Variants in ARL3 observed in about 807,000 individuals in gnomAD.
The protein encoded by ARL3 is ARF like GTPase 3.
In ARL3, 9 loss-of-function variants were observed where a neutral mutation model predicts 26.0. The ratio of observed to expected loss-of-function variants is 0.35; its 90% confidence interval spans 0.21 to 0.60. The LOEUF (loss-of-function observed/expected upper bound fraction) is 0.60. Ranked by LOEUF, ARL3 falls within the 20% of genes least tolerant of loss-of-function variation. ARL3 has a pLI of 0.78. For synonymous variants in ARL3, 71 were observed against 78.4 expected (o/e 0.91, Z 0.50); for missense variants, 158 against 215.7 (o/e 0.73, Z 1.67).
At chr10:102,679,296 C>T (rs1295773090) in intron 5 of ARL3, among the ~76,000 whole-genome samples, 1 of 152,164 alleles carries the variant, frequency 6.6e-6, no homozygotes, top group Non-Finnish European at 1.5e-5. Flanking sequence ...AATGGTGGTG[C>T]CCAAGCTCCC....
intron 1 of ARL3, among the ~76,000 whole-genome samples, chr10:102,710,044 A>T (rs1200319889): frequency 1.3e-5 from 2 of 152,190 alleles, no homozygotes; most frequent in African/African-American, 4.8e-5. Flanking sequence ...AAAAAAAAAA[A>T]ATTCTAACTA....
chr10:102,683,439 T>C (rs939709818), intron 5 of ARL3, among the ~76,000 whole-genome samples: 2 of 152,244 alleles, frequency 1.3e-5, no homozygotes, highest in African/African-American at 2.4e-5. Context: ...CTATACACCA[T>C]GGTACTATCT....
At chr10:102,704,969 C>T (rs972196033) in intron 2 of ARL3, among the ~76,000 whole-genome samples, 2 of 152,126 alleles carry the variant, frequency 1.3e-5, no homozygotes, top group Non-Finnish European at 1.5e-5. Context: ...TAACATAAAA[C>T]GTACCATTTC....
At chr10:102,677,528 G>A (rs1379769100) in intron 5 of ARL3, among the ~76,000 whole-genome samples, 1 of 152,216 alleles carries the variant, frequency 6.6e-6, no homozygotes, top group East Asian at 1.9e-4. Flanking sequence ...TTAAGCACCA[G>A]CATCCAGAGG....
chr10:102,697,900 TA>T (rs978773073), intron 3 of ARL3, among the ~76,000 whole-genome samples: 2 of 152,122 alleles, frequency 1.3e-5, no homozygotes, highest in African/African-American at 4.8e-5. Context: ...ACCCTACTTT[TA>T]GCAATGTGGA....
chr10:102,680,044 T>G (rs1291301186), intron 5 of ARL3, among the ~76,000 whole-genome samples: 12 of 152,006 alleles, frequency 7.9e-5, no homozygotes, highest in Admixed American at 7.9e-4. Flanking sequence ...CTCCGCCTCA[T>G]GCCATTCTCC....
intron 5 of ARL3, 63 bp downstream of exon 5, chr10:102,685,753 T>C: frequency 1.3e-6 from 2 of 1,498,396 alleles, no homozygotes; most frequent in Non-Finnish European, 1.8e-6. Flanking sequence ...GCCCAACCAA[T>C]GAGACAGACC....
At chr10:102,711,850 T>C (rs2064343091) in intron 1 of ARL3, among the ~76,000 whole-genome samples, 1 of 152,140 alleles carries the variant, frequency 6.6e-6, no homozygotes, top group South Asian at 2.1e-4. Flanking sequence ...ATGTAAAGCA[T>C]GACACATAAC....
intron 2 of ARL3, among the ~76,000 whole-genome samples, chr10:102,701,594 T>C (rs2064279725): frequency 6.6e-6 from 1 of 152,228 alleles, no homozygotes; most frequent in Non-Finnish European, 1.5e-5. Flanking sequence ...TTAGTGTATT[T>C]AAAAATTCCA....
At chr10:102,682,847 G>A (rs1446026972) in intron 5 of ARL3, among the ~76,000 whole-genome samples, 3 of 152,020 alleles carry the variant, frequency 2.0e-5, no homozygotes, top group African/African-American at 7.3e-5. Flanking sequence ...AGAATCAGAT[G>A]TCACCTGACT....
intron 4 of ARL3, among the ~76,000 whole-genome samples, 157 bp from the exon 5 acceptor site, chr10:102,686,158 G>A (rs536080152): frequency 1.4e-5 from 2 of 144,090 alleles, no homozygotes; most frequent in Admixed American, 7.2e-5. Context: ...TGCAACCTTC[G>A]CTTCCCAGGT....
intron 3 of ARL3, among the ~76,000 whole-genome samples, chr10:102,691,243 G>C (rs984059363): frequency 6.6e-6 from 1 of 151,136 alleles, no homozygotes; most frequent in South Asian, 2.1e-4. Context: ...TCTAGCATTA[G>C]GTATATCTCC....
At chr10:102,711,307 T>G (rs1401579015) in intron 1 of ARL3, among the ~76,000 whole-genome samples, 1 of 144,600 alleles carries the variant, frequency 6.9e-6, no homozygotes, top group Non-Finnish European at 1.5e-5. Context: ...AGACTTGTAT[T>G]CAGCTTCTGT....
intron 3 of ARL3, among the ~76,000 whole-genome samples, chr10:102,699,027 C>G (rs1044239900): frequency 6.6e-6 from 1 of 152,190 alleles, no homozygotes; most frequent in Admixed American, 6.5e-5. Flanking sequence ...TTTGCTTGCT[C>G]TCTTTGCAAT....
intron 3 of ARL3, among the ~76,000 whole-genome samples, chr10:102,697,122 G>A (rs952914075): frequency 4.6e-5 from 7 of 151,964 alleles, no homozygotes; most frequent in Middle Eastern, 6.8e-3. Context: ...ACATATAAAA[G>A]GTAATGTGTT....
rs369381165 is a variant in ARL3, at chr10:102,684,307, C to T, written c.501+1509G>A. Among the ~76,000 whole-genome samples, 7 of 152,004 alleles carry T rather than the reference C, an allele frequency of 4.6e-5. No individual in the cohort carries two copies. In the East Asian group the frequency reaches 7.8e-4, roughly 17 times the overall value. On this transcript the variant is annotated intron_variant, in intron 5 of 5. Transcript: ENST00000260746. ...GGGACTACAGGTGCCCGCCACCACACCCGGCTAATTTTTTTGTATTTTTAG... is the reference window on the plus strand; with the variant it reads ...GGGACTACAGGTGCCCGCCACCACATCCGGCTAATTTTTTTGTATTTTTAG...
intron 3 of ARL3, among the ~76,000 whole-genome samples, chr10:102,694,165 ATTTT>A (rs1369988232): frequency 6.8e-6 from 1 of 146,556 alleles, no homozygotes; most frequent in Non-Finnish European, 1.5e-5. Flanking sequence ...TTTTTTTTGT[ATTTT>A]TTGTAGAGAT....
chr10:102,684,344 C>A (rs931214114), intron 5 of ARL3, among the ~76,000 whole-genome samples: 3 of 151,960 alleles, frequency 2.0e-5, no homozygotes, highest in Admixed American at 2.0e-4. Flanking sequence ...AGAGACGGGG[C>A]TTCACTGTGT....
chr10:102,707,353 T>C (rs923565692), intron 1 of ARL3, among the ~76,000 whole-genome samples: 3 of 151,742 alleles, frequency 2.0e-5, no homozygotes, highest in Non-Finnish European at 4.4e-5. Flanking sequence ...AAATAAACCA[T>C]GTTGATTTTT....
Sources: allele counts gnomAD v4.1 joint callset (sites outside exome capture counted in the v4.1 genomes callset), GRCh38; gene constraint gnomAD v4.1.1; transcripts MANE v1.5; gene names NCBI Gene and HGNC (gene_info 2026-07-23, HGNC 2026-07-21).